SLC10A7: variants seen among roughly 807,000 people sequenced by gnomAD.
SLC10A7 encodes the protein solute carrier family 10 member 7.
In SLC10A7, 29 loss-of-function variants were observed where a neutral mutation model predicts 43.2. That is an observed-to-expected ratio of 0.67 (90% CI 0.50 to 0.92). SLC10A7 has a LOEUF of 0.92. SLC10A7 is among the 40% of genes least tolerant of loss of function. The pLI, the probability that SLC10A7 is intolerant of heterozygous loss-of-function variation, is 0.00. For missense variants in SLC10A7, 295 were observed against 403.2 expected (o/e 0.73, Z 2.30); for synonymous variants, 152 against 144.8 (o/e 1.05, Z -0.35).
chr4:146,409,718 T>A (rs985386588), intron 5 of SLC10A7, among the ~76,000 whole-genome samples: 1 of 152,190 alleles, frequency 6.6e-6, no homozygotes, highest in African/African-American at 2.4e-5. Context: ...TGGTAACTAA[T>A]CAAGAACGTG....
chr4:146,259,491 C>T (rs374855031), intron 10 of SLC10A7, among the ~76,000 whole-genome samples: 103 of 152,336 alleles, frequency 6.8e-4, no homozygotes, highest in African/African-American at 2.3e-3. Context: ...GTCTCAGCTA[C>T]TCAGGAGGCT....
chr4:146,388,884 T>C (rs1738209573), intron 5 of SLC10A7, among the ~76,000 whole-genome samples: 1 of 151,256 alleles, frequency 6.6e-6, no homozygotes, highest in African/African-American at 2.4e-5. Context: ...GAAACAAAAA[T>C]AGACTAATGG....
Position 146,389,626 on chromosome 4 carries a change from C to A in SLC10A7, c.435+53157G>T, listed in dbSNP as rs369828992. ...AAGTAGTGCCAAGACAAGTAGTAGA[C>A]CAACATTCCCAGAGAGAACTTCATT... On this transcript the variant is annotated intron_variant, in intron 5 of 11. Coordinates refer to ENST00000335472, the MANE Select transcript of SLC10A7 (RefSeq NM_001029998.6). 1.4e-4 allele frequency among the ~76,000 whole-genome samples: 22 copies of A among 152,300 alleles called. No individual in the cohort carries two copies. The East Asian group carries it at 2.5e-3, about 17-fold the overall frequency.
At chr4:146,466,526 T>C (rs952253682) in intron 4 of SLC10A7, among the ~76,000 whole-genome samples, 2 of 152,168 alleles carry the variant, frequency 1.3e-5, no homozygotes, top group African/African-American at 4.8e-5. Context: ...TGAGAGATGA[T>C]GCATAAAATT....
chr4:146,324,018 A>G (rs186947783), intron 6 of SLC10A7, among the ~76,000 whole-genome samples: 22 of 152,296 alleles, frequency 1.4e-4, no homozygotes, highest in African/African-American at 5.3e-4. Context: ...AAGCATTCTT[A>G]TACACCAATA....
intron 5 of SLC10A7, among the ~76,000 whole-genome samples, chr4:146,381,517 A>G (rs1055712859): frequency 3.9e-5 from 6 of 152,124 alleles, no homozygotes; most frequent in Non-Finnish European, 8.8e-5. Context: ...GAGATTGCAG[A>G]TAACTCATCC....
intron 10 of SLC10A7, 65 bp from the exon 11 acceptor site, chr4:146,258,902 T>C (rs1472795559): frequency 7.2e-6 from 11 of 1,522,246 alleles, no homozygotes; most frequent in Non-Finnish European, 9.8e-6. Flanking sequence ...AAATGCATAC[T>C]CCATCAAAAT....
chr4:146,378,122 T>C (rs1308001358), intron 5 of SLC10A7, among the ~76,000 whole-genome samples: 1 of 152,182 alleles, frequency 6.6e-6, no homozygotes, highest in East Asian at 1.9e-4. Flanking sequence ...TGGATGCAGT[T>C]CTTTCAGAGG....
chr4:146,269,911 T>C (rs1560749357), intron 10 of SLC10A7, among the ~76,000 whole-genome samples: 1 of 152,194 alleles, frequency 6.6e-6, no homozygotes, highest in Admixed American at 6.5e-5. Flanking sequence ...CAAATGCACA[T>C]TAACGATTTT....
intron 7 of SLC10A7, among the ~76,000 whole-genome samples, chr4:146,295,163 T>C (rs1039657745): frequency 6.6e-6 from 1 of 152,126 alleles, no homozygotes; most frequent in African/African-American, 2.4e-5. Flanking sequence ...CTACTCTCAA[T>C]AGAATCTTTG....
At chr4:146,400,502 T>G (rs1739154379) in intron 5 of SLC10A7, among the ~76,000 whole-genome samples, 1 of 152,108 alleles carries the variant, frequency 6.6e-6, no homozygotes, top group South Asian at 2.1e-4. Context: ...ATACCTAGGA[T>G]GAAAAGCAGG....
intron 5 of SLC10A7, among the ~76,000 whole-genome samples, chr4:146,369,575 C>T (rs1448790660): frequency 6.6e-6 from 1 of 152,122 alleles, no homozygotes; most frequent in Non-Finnish European, 1.5e-5. Flanking sequence ...ATTCAGTGAA[C>T]TTTCACCTTG....
At chr4:146,467,480 C>CTG (rs1733135504) in intron 4 of SLC10A7, among the ~76,000 whole-genome samples, 1 of 151,228 alleles carries the variant, frequency 6.6e-6, no homozygotes, top group African/African-American at 2.4e-5. Flanking sequence ...CACACACACA[C>CTG]ACACACACAC....
At chr4:146,329,914 A>G (rs999579906) in intron 5 of SLC10A7, among the ~76,000 whole-genome samples, 1 of 152,236 alleles carries the variant, frequency 6.6e-6, no homozygotes, top group Non-Finnish European at 1.5e-5. Flanking sequence ...TTCTCCTGAA[A>G]ATGGATAAAA....
intron 4 of SLC10A7, among the ~76,000 whole-genome samples, chr4:146,455,122 C>T (rs1272353838): frequency 6.6e-6 from 1 of 151,744 alleles, no homozygotes; most frequent in Non-Finnish European, 1.5e-5. Context: ...TTCCTTCAAC[C>T]TAAATTTATT....
At chr4:146,441,621 A>T (rs1730609629) in intron 5 of SLC10A7, 3 of 852,652 alleles carry the variant, frequency 3.5e-6, no homozygotes, top group Non-Finnish European at 4.2e-6. Flanking sequence ...TGAAATAATG[A>T]CTTAAAATAT....
Position 146,512,039 on chromosome 4 carries a change from T to A in SLC10A7, c.184-1990A>T, listed in dbSNP as rs540496448. ...TCCAGGCTGGAGTGCGATGGTGCGA[T>A]CTCGGCTCACTGCAACCACTGCCTC... On this transcript the variant is annotated intron_variant, in intron 2 of 11. Coordinates refer to ENST00000335472, the MANE Select transcript of SLC10A7 (RefSeq NM_001029998.6). Among the ~76,000 whole-genome samples, 46 of 138,436 alleles carry A rather than the reference T, an allele frequency of 3.3e-4. 1 individual carries two copies. The South Asian group carries it at 0.01, about 30-fold the overall frequency. The allele number at this position is 138,436 out of a possible 152,430, so 90.8% of individuals were successfully genotyped here.
intron 11 of SLC10A7, chr4:146,257,061 T>C (rs1727930416): frequency 6.0e-6 from 4 of 665,244 alleles, no homozygotes; most frequent in African/African-American, 1.8e-5. Context: ...TCTGATTAAT[T>C]TGCTGTTCAC....
intron 4 of SLC10A7, among the ~76,000 whole-genome samples, chr4:146,483,922 A>G (rs1162234371): frequency 6.6e-6 from 1 of 152,240 alleles, no homozygotes; most frequent in African/African-American, 2.4e-5. Flanking sequence ...ATTCATCAAG[A>G]GGACATAACC....
Sources: gnomAD v4.1 joint callset for allele counts (sites outside exome capture counted in the v4.1 genomes callset) on GRCh38, gnomAD v4.1.1 for gene constraint, MANE v1.5 for transcripts, NCBI Gene and HGNC (gene_info 2026-07-23, HGNC 2026-07-21) for gene names.